The following PRDX4 variants were observed in gnomAD, a reference collection of about 807,000 sequenced individuals.
PRDX4 encodes the protein peroxiredoxin 4, also known as peroxiredoxin-4.
Under a neutral mutation model 20.5 loss-of-function variants are expected in PRDX4, and 12 were observed. The ratio of observed to expected loss-of-function variants is 0.58; its 90% CI spans 0.37 to 0.95. The LOEUF (loss-of-function observed/expected upper bound fraction) is 0.95. Ranked by LOEUF, PRDX4 falls within the 40% of genes least tolerant of loss-of-function variation. The probability of loss-of-function intolerance (pLI) is 0.01; values close to 1 mark genes in which losing one functional copy is unlikely to be tolerated. For synonymous variants in PRDX4, 99 were observed against 87.5 expected (o/e 1.13, Z -0.73); for missense variants, 180 against 207.3 (o/e 0.87, Z 0.81).
At chrX:23,674,712 C>CCTT (rs1340580925) in intron 2 of PRDX4, among the ~76,000 whole-genome samples, 5 of 111,361 alleles carry the variant, frequency 4.5e-5, no homozygotes, top group Admixed American at 1.9e-4. Context: ...GTGGCTATTG[C>CCTT]TATAAGGGAG....
intron 4 of PRDX4, among the ~76,000 whole-genome samples, chrX:23,679,706 T>C (rs1436681927): frequency 2.0e-5 from 2 of 99,359 alleles, no homozygotes; most frequent in African/African-American, 3.8e-5. Context: ...TGGCTGGGCA[T>C]GGTGGCTCAC....
At chrX:23,679,342 T>TTGAAATAGATGTTATTTA in intron 4 of PRDX4, 55 bp downstream of exon 4, 1 of 1,072,316 alleles carries the variant, frequency 9.3e-7, no homozygotes, top group African/African-American at 1.9e-5. Context: ...ATAATCCTCC[T>TTGAAATAGATGTTATTTA]TGAAATAGAT....
intron 4 of PRDX4, among the ~76,000 whole-genome samples, chrX:23,680,757 T>G (rs1183879154): frequency 9.2e-6 from 1 of 109,124 alleles, no homozygotes; most frequent in African/African-American, 3.3e-5. Flanking sequence ...TTTTTTTTGT[T>G]AAATTAGGCC....
intron 3 of PRDX4, among the ~76,000 whole-genome samples, chrX:23,678,713 T>C (rs1014653563): frequency 5.4e-5 from 6 of 111,190 alleles, no homozygotes; most frequent in Non-Finnish European, 1.1e-4. Context: ...AGCAGGAGGA[T>C]TGCTTGAAGC....
chrX:23,670,201 C>T (rs1927817921), intron 1 of PRDX4, among the ~76,000 whole-genome samples: 1 of 111,564 alleles, frequency 9.0e-6, no homozygotes. Flanking sequence ...ATTTTCAGAA[C>T]AAAATTTATT....
chrX:23,682,576 ATTAG>A, intron 5 of PRDX4, 50 bp downstream of exon 5: 1 of 999,050 alleles, frequency 1.0e-6, no homozygotes, highest in Non-Finnish European at 1.3e-6. Flanking sequence ...AGATAGCATA[ATTAG>A]TTAGGTTTCT....
intron 4 of PRDX4, among the ~76,000 whole-genome samples, chrX:23,681,199 C>T (rs1928061072): frequency 9.3e-6 from 1 of 107,899 alleles, no homozygotes; most frequent in Non-Finnish European, 1.9e-5. Context: ...CGCCACTGCA[C>T]TTCAGCCTGG....
At chrX:23,685,388 T>C (rs374710109) in intron 6 of PRDX4, among the ~76,000 whole-genome samples, 1 of 112,158 alleles carries the variant, frequency 8.9e-6, no homozygotes. Context: ...TTCATATTTC[T>C]TTCTATAAGC....
chrX:23,682,186 C>T (rs184143575), intron 4 of PRDX4, among the ~76,000 whole-genome samples: 150 of 111,781 alleles, frequency 1.3e-3, no homozygotes, highest in African/African-American at 4.8e-3. Flanking sequence ...TGCAGTTTTA[C>T]AGTGATAATT....
In PRDX4 at chrX:23,667,522, G is replaced by A; in HGVS notation, c.-49G>A. On this transcript the variant is annotated 5_prime_UTR_variant, in exon 1 of 7. Coordinates refer to ENST00000379341, the MANE Select transcript of PRDX4 (RefSeq NM_006406.2). ...ACGCGGTTGTAGCTGCCCGGCGGCG[G>A]CAGAAGCGGCGCTCGCGCCAAGGGA... is the stretch of plus-strand genomic sequence containing the variant. 8.8e-7 allele frequency: 1 copy of A among 1,130,265 alleles called. No individual in the cohort carries two copies. The highest frequency in any genetic ancestry group is 3.3e-5 in the East Asian group (1 of 30,604). 93.1% of individuals were successfully genotyped at this position (1,130,265 alleles called of 1,213,427 possible).
At chrX:23,675,287 A>G in intron 3 of PRDX4, 181 bp downstream of exon 3, 1 of 909,193 alleles carries the variant, frequency 1.1e-6, no homozygotes. Context: ...AGAGAAGAGT[A>G]ATATAATCAG....
chrX:23,673,103 A>G (rs1927877629), intron 2 of PRDX4, among the ~76,000 whole-genome samples: 2 of 112,246 alleles, frequency 1.8e-5, no homozygotes. Context: ...GAAGGTTAAC[A>G]TGTATGTTAA....
intron 3 of PRDX4, chrX:23,675,538 A>T (rs1044691020): frequency 6.9e-4 from 87 of 126,056 alleles, no homozygotes; most frequent in Middle Eastern, 3.5e-3. Flanking sequence ...AATGAATTTT[A>T]AAAAATGTTT....
chrX:23,681,662 T>C (rs1928071190), intron 4 of PRDX4, among the ~76,000 whole-genome samples: 1 of 112,593 alleles, frequency 8.9e-6, no homozygotes, highest in South Asian at 3.6e-4. Context: ...AGTTTTAAAA[T>C]GTGGAATCAT....
intron 2 of PRDX4, among the ~76,000 whole-genome samples, chrX:23,672,991 A>AT (rs1238706271): frequency 8.9e-6 from 1 of 112,342 alleles, no homozygotes; most frequent in Non-Finnish European, 1.9e-5. Context: ...TTGTGACTTG[A>AT]TTTTTTTAAG....
intron 3 of PRDX4, 69 bp from the exon 4 acceptor site, chrX:23,679,096 G>C (rs746782926): frequency 1.8e-6 from 2 of 1,101,824 alleles, no homozygotes; most frequent in Admixed American, 2.5e-5. Context: ...TGCATGTATA[G>C]AGAAAGAGTG....
Position 23,679,207 on chromosome X carries a change from G to C in PRDX4, c.519G>C (p.Arg173Ser), listed in dbSNP as rs1928011218. 8.3e-7 allele frequency: 1 copy of C among 1,207,794 alleles called. No homozygotes were observed. Among genetic ancestry groups the C allele is most frequent in the Non-Finnish European group, 1.1e-6 (1 of 892,310 alleles). The stretch of plus-strand genomic sequence containing the variant: ...GACAAGGAGGACTTGGGCCAATAAG[G>C]ATTCCACTTCTTTCAGATTTGACCC... ...PRRQGGLGPI[R>S]IPLLSDLTHQ... The change falls in exon 4 of 7, where the codon AGG (arginine) becomes AGC (serine). Residue 173 changes from arginine to serine, a missense_variant. Arg to Ser is a moderately radical substitution (Grantham distance 110, BLOSUM62 -1). Coordinates refer to ENST00000379341, the MANE Select transcript of PRDX4 (RefSeq NM_006406.2).
intron 1 of PRDX4, among the ~76,000 whole-genome samples, chrX:23,669,735 G>A (rs6629716): frequency 0.21 from 22,672 of 108,930 alleles, 1,949 homozygotes; most frequent in African/African-American, 0.31. Flanking sequence ...TGGCCAGCAT[G>A]GTGAAACCCT....
At chrX:23,679,349 A>C in intron 4 of PRDX4, 62 bp downstream of exon 4, 3 of 1,059,345 alleles carry the variant, frequency 2.8e-6, no homozygotes, top group Non-Finnish European at 2.5e-6. Context: ...TCCTTGAAAT[A>C]GATGTTATTT....
Sources: gnomAD v4.1 joint callset for allele counts (sites outside exome capture counted in the v4.1 genomes callset) on GRCh38, gnomAD v4.1.1 for gene constraint, MANE v1.5 for transcripts, NCBI Gene and HGNC (gene_info 2026-07-23, HGNC 2026-07-21) for gene names.